CLVS1: variants seen among roughly 807,000 people sequenced by gnomAD.
CLVS1 encodes the protein clavesin-1.
CLVS1 carries 10 observed loss-of-function variants against 33.1 expected under a neutral mutation model. That is an observed-to-expected ratio of 0.30 (90% CI 0.19 to 0.51). The LOEUF (loss-of-function observed/expected upper bound fraction) is 0.51. Ranked by LOEUF, CLVS1 falls within the 20% of genes least tolerant of loss-of-function variation. CLVS1 has a pLI of 0.97. For missense variants in CLVS1, 343 were observed against 433.4 expected, an observed-to-expected ratio of 0.79 and a Z score of 1.85; for synonymous variants, 163 against 166.1, an observed-to-expected ratio of 0.98 and a Z score of 0.14.
chr8:61,085,933 G>A (rs1274771050), intron 1 of CLVS1, among the ~76,000 whole-genome samples: 1 of 151,382 alleles, frequency 6.6e-6, no homozygotes, highest in Non-Finnish European at 1.5e-5. Flanking sequence ...CTGCTCGGGA[G>A]GCTGATGCAG....
At chr8:61,308,544 C>G (rs1563488840) in intron 2 of CLVS1, among the ~76,000 whole-genome samples, 1 of 152,052 alleles carries the variant, frequency 6.6e-6, no homozygotes, top group Non-Finnish European at 1.5e-5. Context: ...GGGAGCTGCT[C>G]AATGTTATCC....
the CLVS1 span, among the ~76,000 whole-genome samples, chr8:61,033,151 G>GAAAT: frequency 7.9e-6 from 1 of 127,356 alleles, no homozygotes. Context: ...AAGAAAGAAA[G>GAAAT]AAAGAAAGAA....
intron 2 of CLVS1, among the ~76,000 whole-genome samples, chr8:61,207,682 G>C (rs894749027): frequency 2.0e-5 from 3 of 152,138 alleles, no homozygotes; most frequent in Non-Finnish European, 4.4e-5. Flanking sequence ...TCCACTCTAA[G>C]CCTCAGTTTC....
At chr8:61,213,347 A>G (rs1585693559) in intron 2 of CLVS1, among the ~76,000 whole-genome samples, 1 of 144,728 alleles carries the variant, frequency 6.9e-6, no homozygotes, top group Admixed American at 6.9e-5. Flanking sequence ...CCCCGCCTCA[A>G]CCTCCCAAAG....
rs1232740859 is a variant in CLVS1, at chr8:61,402,482, A to G, written c.630+25703A>G. On this transcript the variant is annotated intron_variant, in intron 3 of 5. Coordinates refer to ENST00000325897, the MANE Select transcript of CLVS1 (RefSeq NM_173519.3). ...ATCAGCCAGGTTCACATACAAAACA[A>G]GTGAGAGCTGTGGCCCGAGATCACA... 2.0e-5 allele frequency among the ~76,000 whole-genome samples: 3 copies of G among 152,202 alleles called. No homozygotes were observed. In the East Asian group the frequency reaches 5.8e-4, roughly 29 times the overall value.
chr8:61,436,703 C>T (rs1241345147), intron 3 of CLVS1, among the ~76,000 whole-genome samples: 2 of 152,192 alleles, frequency 1.3e-5, no homozygotes, highest in Non-Finnish European at 2.9e-5. Context: ...GATCTCCTTT[C>T]TTCTCTATCT....
chr8:61,143,731 CTTAT>C (rs1450478193), intron 2 of CLVS1, among the ~76,000 whole-genome samples: 2 of 147,934 alleles, frequency 1.4e-5, no homozygotes, highest in South Asian at 4.2e-4. Flanking sequence ...TTGCTGTGCT[CTTAT>C]TTAAATTCAT....
chr8:61,031,956 C>T, the CLVS1 span, among the ~76,000 whole-genome samples: 1 of 151,960 alleles, frequency 6.6e-6, no homozygotes, highest in African/African-American at 2.4e-5. Context: ...TAAAAGGACT[C>T]AAGGGAAAAA....
intron 1 of CLVS1, among the ~76,000 whole-genome samples, chr8:61,295,073 A>G (rs904325940): frequency 6.6e-6 from 1 of 152,140 alleles, no homozygotes; most frequent in Non-Finnish European, 1.5e-5. Context: ...TTTCTGGCTC[A>G]CTGGAAAAGG....
At chr8:61,362,536 TG>T (rs1443958180) in intron 2 of CLVS1, among the ~76,000 whole-genome samples, 2 of 152,232 alleles carry the variant, frequency 1.3e-5, no homozygotes, top group Non-Finnish European at 2.9e-5. Context: ...TATATTATTC[TG>T]GGGGTTATAT....
At chr8:61,312,139 T>C (rs1278589824) in intron 2 of CLVS1, among the ~76,000 whole-genome samples, 6 of 152,180 alleles carry the variant, frequency 3.9e-5, no homozygotes, top group East Asian at 1.9e-4. Context: ...ATAAGGAAGA[T>C]ACTGTAGAGC....
At chr8:61,152,771 C>A (rs1002599105) in intron 2 of CLVS1, among the ~76,000 whole-genome samples, 1 of 152,176 alleles carries the variant, frequency 6.6e-6, no homozygotes, top group Non-Finnish European at 1.5e-5. Context: ...CCCAGCATCT[C>A]CTAAAGGCGC....
chr8:61,261,462 AG>A (rs1809201449), intron 2 of CLVS1, among the ~76,000 whole-genome samples: 1 of 152,334 alleles, frequency 6.6e-6, no homozygotes, highest in Non-Finnish European at 1.5e-5. Context: ...CTACAAATCC[AG>A]AAAGACACAA....
intron 2 of CLVS1, among the ~76,000 whole-genome samples, chr8:61,172,298 G>A (rs1209469052): frequency 6.8e-6 from 1 of 147,524 alleles, no homozygotes; most frequent in Admixed American, 7.0e-5. Flanking sequence ...ATCAAAAGAA[G>A]ACTTTATTTG....
rs185255946 is a variant in CLVS1 at position 61,453,487 on chromosome 8, G to A, written c.631-654G>A. On this transcript the variant is annotated intron_variant, in intron 3 of 5. Coordinates refer to ENST00000325897, the MANE Select transcript of CLVS1 (RefSeq NM_173519.3). ...GGGTGCTCATATTCCCTCAACTAGC[G>A]GAATCAGCTAGCCCATTAATCAACA... Among the ~76,000 whole-genome samples the A allele has an allele frequency of 2.5e-3, 380 of 152,280 alleles. 6 individuals are homozygous for A. Among genetic ancestry groups the A allele is most frequent in the South Asian group, 1.2e-3 (6 of 4,818 alleles).
Position 61,363,029 on chromosome 8 carries a change from A to G in CLVS1, c.456-13576A>G, listed in dbSNP as rs112176599. On this transcript the variant is annotated intron_variant, in intron 2 of 5. Coordinates refer to ENST00000325897, the MANE Select transcript of CLVS1 (RefSeq NM_173519.3). ...AAAAAAGATAGGTAACGGGTCATCAACTTGTAGCAGGCAAGGATTAAAGCA... is the reference window on the plus strand; with the variant it reads ...AAAAAAGATAGGTAACGGGTCATCAGCTTGTAGCAGGCAAGGATTAAAGCA... 5.9e-3 allele frequency among the ~76,000 whole-genome samples: 894 copies of G among 152,318 alleles called. 6 individuals carry two copies. The highest frequency in any genetic ancestry group is 0.02 in the Middle Eastern group (6 of 294).
chr8:61,146,210 C>G (rs1806411855), intron 2 of CLVS1, among the ~76,000 whole-genome samples: 1 of 152,146 alleles, frequency 6.6e-6, no homozygotes, highest in African/African-American at 2.4e-5. Flanking sequence ...TTGTTATTAG[C>G]TGAATTCACA....
At chr8:61,309,589 AC>A (rs1319424681) in intron 2 of CLVS1, among the ~76,000 whole-genome samples, 8 of 152,332 alleles carry the variant, frequency 5.3e-5, no homozygotes, top group South Asian at 2.1e-4. Context: ...TTCTTAGAGG[AC>A]AGGTGCTTTT....
the CLVS1 span, among the ~76,000 whole-genome samples, chr8:61,026,539 G>A: frequency 6.6e-6 from 1 of 152,152 alleles, no homozygotes; most frequent in African/African-American, 2.4e-5. Flanking sequence ...TGTGCTTTGG[G>A]AATTCCTTGA....
Sources: gnomAD v4.1 joint callset for allele counts (sites outside exome capture counted in the v4.1 genomes callset) on GRCh38, gnomAD v4.1.1 for gene constraint, MANE v1.5 for transcripts, NCBI Gene and HGNC (gene_info 2026-07-23, HGNC 2026-07-21) for gene names.